The following NCOA2 variants were observed in gnomAD, a reference collection of about 807,000 sequenced individuals.
The protein encoded by NCOA2 is class E basic helix-loop-helix protein 75.
A neutral mutation model predicts 145.1 loss-of-function variants in NCOA2; 21 were observed. The observed-to-expected ratio is 0.14, with a 90% CI of 0.10 to 0.21. NCOA2 has a LOEUF of 0.21. Ranked by LOEUF, NCOA2 falls within the 10% of genes least tolerant of loss-of-function variation. NCOA2 has a pLI of 1.00. For missense variants in NCOA2, 1,472 were observed against 1,837.6 expected, an observed-to-expected ratio of 0.80 and a Z score of 3.64; for synonymous variants, 619 against 637.5, an observed-to-expected ratio of 0.97 and a Z score of 0.44.
At chr8:70,355,995 A>C (rs1809653347) in intron 1 of NCOA2, among the ~76,000 whole-genome samples, 1 of 152,216 alleles carries the variant, frequency 6.6e-6, no homozygotes, top group Admixed American at 6.5e-5. Context: ...TCTCCAGTAG[A>C]AGTAGAGGGA....
At chr8:70,273,574 C>T in intron 2 of NCOA2, 2 of 755,416 alleles carry the variant, frequency 2.6e-6, no homozygotes, top group Middle Eastern at 3.9e-4. Context: ...CAGTGATCCA[C>T]TTTAACAACC....
intron 2 of NCOA2, among the ~76,000 whole-genome samples, chr8:70,218,616 C>T (rs552082900): frequency 2.0e-4 from 30 of 152,244 alleles, no homozygotes; most frequent in African/African-American, 7.0e-4. Flanking sequence ...ATTCCAGAAC[C>T]CTTCTCAGAT....
At chr8:70,159,969 A>C (rs1218159528) in intron 9 of NCOA2, among the ~76,000 whole-genome samples, 1 of 152,234 alleles carries the variant, frequency 6.6e-6, no homozygotes, top group Non-Finnish European at 1.5e-5. Flanking sequence ...CTGCTCAAAC[A>C]AGCTTTATAA....
intron 4 of NCOA2, among the ~76,000 whole-genome samples, chr8:70,177,858 A>G (rs886157612): frequency 2.6e-5 from 4 of 152,238 alleles, no homozygotes; most frequent in Non-Finnish European, 5.9e-5. Context: ...TATTTGGCAC[A>G]TGAGATTCTG....
intron 1 of NCOA2, among the ~76,000 whole-genome samples, chr8:70,330,147 G>C (rs957550357): frequency 6.6e-6 from 1 of 150,852 alleles, no homozygotes; most frequent in Non-Finnish European, 1.5e-5. Context: ...GTACAAGATG[G>C]GAATAATGAC....
intron 1 of NCOA2, among the ~76,000 whole-genome samples, chr8:70,373,468 C>CA (rs1474828703): frequency 6.6e-6 from 1 of 152,174 alleles, no homozygotes; most frequent in Non-Finnish European, 1.5e-5. Context: ...TTTTGTGTTA[C>CA]AAATATTTTC....
chr8:70,293,090 A>G (rs961655660), intron 2 of NCOA2, among the ~76,000 whole-genome samples: 3 of 152,298 alleles, frequency 2.0e-5, no homozygotes, highest in Admixed American at 1.3e-4. Context: ...CCATGCTGTC[A>G]TTTGAAGAAA....
At chr8:70,345,057 T>C (rs1221566656) in intron 1 of NCOA2, among the ~76,000 whole-genome samples, 1 of 152,154 alleles carries the variant, frequency 6.6e-6, no homozygotes, top group African/African-American at 2.4e-5. Flanking sequence ...TGTATGTTAA[T>C]AGTTAGGAAT....
the NCOA2 span, among the ~76,000 whole-genome samples, chr8:70,433,604 G>A: frequency 3.9e-5 from 6 of 152,210 alleles, no homozygotes; most frequent in African/African-American, 1.4e-4. Flanking sequence ...ATGCAATGCC[G>A]CTACTGAAGA....
intron 1 of NCOA2, among the ~76,000 whole-genome samples, chr8:70,308,347 T>A (rs1340170101): frequency 2.0e-5 from 3 of 152,108 alleles, no homozygotes; most frequent in Non-Finnish European, 4.4e-5. Context: ...CCTATGCCAG[T>A]TTGCAGATTT....
chr8:70,326,748 T>C (rs922631695), intron 1 of NCOA2, among the ~76,000 whole-genome samples: 1 of 152,206 alleles, frequency 6.6e-6, no homozygotes, highest in Non-Finnish European at 1.5e-5. Flanking sequence ...TAACTCAATA[T>C]TCATGATCAT....
intron 15 of NCOA2, among the ~76,000 whole-genome samples, chr8:70,134,419 T>C (rs1245043652): frequency 6.6e-6 from 1 of 152,218 alleles, no homozygotes; most frequent in Non-Finnish European, 1.5e-5. Context: ...TCCCTAAAAA[T>C]GCTAGTTAAG....
intron 4 of NCOA2, among the ~76,000 whole-genome samples, chr8:70,195,831 A>AC (rs917030950): frequency 6.6e-6 from 1 of 152,158 alleles, no homozygotes; most frequent in Non-Finnish European, 1.5e-5. Context: ...CCTTTAAGAG[A>AC]CCAATTCATT....
chr8:70,231,110 T>C (rs772353220), intron 2 of NCOA2, among the ~76,000 whole-genome samples: 2 of 152,230 alleles, frequency 1.3e-5, no homozygotes, highest in Non-Finnish European at 2.9e-5. Context: ...GGTCTGACCA[T>C]ATTTAATCCT....
the NCOA2 span, among the ~76,000 whole-genome samples, chr8:70,436,503 T>A: frequency 6.6e-6 from 1 of 152,216 alleles, no homozygotes; most frequent in Non-Finnish European, 1.5e-5. Flanking sequence ...CGTGTTCCCA[T>A]ATCAGTAAGC....
At chr8:70,269,186 C>T (rs1162508236) in intron 2 of NCOA2, among the ~76,000 whole-genome samples, 1 of 152,106 alleles carries the variant, frequency 6.6e-6, no homozygotes, top group Non-Finnish European at 1.5e-5. Flanking sequence ...AAGTATTTTT[C>T]CTTGTTGGTT....
chr8:70,263,897 T>C (rs1195778694), intron 2 of NCOA2, among the ~76,000 whole-genome samples: 2 of 152,066 alleles, frequency 1.3e-5, no homozygotes, highest in Non-Finnish European at 2.9e-5. Flanking sequence ...ATACCCCTCA[T>C]GTTATTAAAA....
chr8:70,417,240 T>G, the NCOA2 span, among the ~76,000 whole-genome samples: 4 of 67,396 alleles, frequency 5.9e-5, no homozygotes, highest in African/African-American at 1.8e-4. Context: ...AGACCTCGTC[T>G]CTATTAAAAA....
At chr8:70,290,333 C>A (rs892534533) in intron 2 of NCOA2, among the ~76,000 whole-genome samples, 1 of 151,874 alleles carries the variant, frequency 6.6e-6, no homozygotes, top group Non-Finnish European at 1.5e-5. Context: ...GGACTACAGG[C>A]GCCTGCCACC....
Sources: allele counts gnomAD v4.1 joint callset (sites outside exome capture counted in the v4.1 genomes callset), GRCh38; gene constraint gnomAD v4.1.1; transcripts MANE v1.5; gene names NCBI Gene and HGNC (gene_info 2026-07-23, HGNC 2026-07-21).